HMX1: variants seen among roughly 807,000 people sequenced by gnomAD.
HMX1 encodes H6 family homeobox 1.
Under a neutral mutation model 8.9 loss-of-function variants are expected in HMX1, and 8 were observed. That is an observed-to-expected ratio of 0.90 (90% confidence interval 0.53 to 1.63). HMX1 has a LOEUF of 1.63. HMX1 is among the 40% of genes most tolerant of loss of function. The pLI is 0.00. For synonymous variants in HMX1, 311 were observed against 283.4 expected (o/e 1.10, Z -0.98); for missense variants, 621 against 558.5 (o/e 1.11, Z -1.13).
intron 1 of HMX1, among the ~76,000 whole-genome samples, chr4:8,861,358 CTTCCCGCGGCCTGTGCCGAG>C (rs1312650389): frequency 3.3e-5 from 5 of 152,314 alleles, no homozygotes; most frequent in African/African-American, 1.2e-4. Context: ...GGAGGCCGCG[CTTCCCGCGGCCTGTGCCGAG>C]GAGCCTCTCC....
In HMX1 at chr4:8,867,521, C is replaced by T. The variant is rs1722042251; in HGVS notation, c.*172G>A. 2.5e-6 allele frequency: 3 copies of T among 1,186,090 alleles called. No homozygotes were observed. Among genetic ancestry groups the T allele is most frequent in the Non-Finnish European group, 3.1e-6 (3 of 958,966 alleles). 73.5% of individuals were successfully genotyped at this position (1,186,090 alleles called of 1,614,324 possible). A position where few individuals can be genotyped will look rare whatever the true frequency, so the allele number is the denominator to read the frequency against. Reference sequence around the variant, plus strand: ...GGCGTCCCATTACATTCTAGAGGCGCTCCCCACAGAAGCTGAGGCCCGCCC... The same window carrying T: ...GGCGTCCCATTACATTCTAGAGGCGTTCCCCACAGAAGCTGAGGCCCGCCC... On this transcript the variant is annotated 3_prime_UTR_variant, in exon 2 of 2. Transcript: ENST00000400677.
chr4:8,866,797 C>G (rs573763840), downstream of HMX1, among the ~76,000 whole-genome samples: 2 of 152,246 alleles, frequency 1.3e-5, no homozygotes, highest in Non-Finnish European at 2.9e-5. Flanking sequence ...AGTCAAGGCT[C>G]TAGAACTTGG....
chr4:8,870,031 C>T lies in HMX1; in HGVS notation c.394+1190G>A, dbSNP rs917787475. Reference sequence around the variant, plus strand: ...GCCTAGACTTCCTGAGTGTGGGTGCCGAGATGTGGGGGCTTTTGCAAAGGA... The same window carrying T: ...GCCTAGACTTCCTGAGTGTGGGTGCTGAGATGTGGGGGCTTTTGCAAAGGA... On this transcript the variant is annotated intron_variant, in intron 1 of 1. Coordinates refer to ENST00000400677, the MANE Select transcript of HMX1 (RefSeq NM_018942.3). The surrounding 1 kb of genome is among the most constrained non-coding windows in gnomAD (Gnocchi z 4.4). 2.0e-5 allele frequency among the ~76,000 whole-genome samples: 3 copies of T among 151,882 alleles called. No homozygotes were observed. Among genetic ancestry groups the T allele is most frequent in the Non-Finnish European group, 4.4e-5 (3 of 67,940 alleles).
chr4:8,870,613 G>C lies in HMX1; in HGVS notation c.394+608C>G, dbSNP rs1560186801. Among the ~76,000 whole-genome samples, 1 of 152,208 alleles carries C rather than the reference G, an allele frequency of 6.6e-6. No individual in the cohort carries two copies. The highest frequency in any genetic ancestry group is 1.5e-5 in the Non-Finnish European group (1 of 67,992). On this transcript the variant is annotated intron_variant, in intron 1 of 1. Coordinates refer to ENST00000400677, the MANE Select transcript of HMX1 (RefSeq NM_018942.3). This position sits in a 1 kb window ranked among gnomAD's most constrained non-coding sequence, Gnocchi z 4.4. ...CGGGCACAGAGGAAACAGGACTCTG[G>C]GGGGGCACAGCTGCCATGTTAGATG...
chr4:8,861,020 G>A (rs1232803855), intron 1 of HMX1, among the ~76,000 whole-genome samples: 2 of 151,796 alleles, frequency 1.3e-5, no homozygotes, highest in Admixed American at 6.6e-5. Context: ...GGGGCGCCCG[G>A]GAGGGCCGCG....
At chr4:8,861,399 A>G (rs777447586) in intron 1 of HMX1, among the ~76,000 whole-genome samples, 7 of 152,138 alleles carry the variant, frequency 4.6e-5, no homozygotes, top group Non-Finnish European at 8.8e-5. Flanking sequence ...GCAAAGAAAT[A>G]AACACGCCCT....
At position 8,849,668 on chromosome 4, in the gene HMX1, C is replaced by T. The variant is rs959797775; in HGVS notation, c.395-3344G>A. On this transcript the variant is annotated intron_variant, in intron 1 of 1. Transcript: ENST00000506970. The surrounding 1 kb of genome is among the most constrained non-coding windows in gnomAD (Gnocchi z 6.6). ...TCTCCTGGGGTCCCCCCGGCCCCAG[C>T]GTGCGGTCTTCAACTGTCATCAGGC... 2.6e-5 allele frequency among the ~76,000 whole-genome samples: 4 copies of T among 152,214 alleles called. No homozygotes were observed. Among genetic ancestry groups the T allele is most frequent in the Non-Finnish European group, 5.9e-5 (4 of 68,034 alleles).
downstream of HMX1, among the ~76,000 whole-genome samples, chr4:8,862,851 CG>C (rs1487746062): frequency 1.3e-5 from 2 of 152,216 alleles, no homozygotes; most frequent in Non-Finnish European, 2.9e-5. Flanking sequence ...TAGCTGTTCT[CG>C]GCGCCCGATC....
intron 1 of HMX1, among the ~76,000 whole-genome samples, chr4:8,869,582 G>A (rs1722141633): frequency 6.6e-6 from 1 of 152,228 alleles, no homozygotes; most frequent in South Asian, 2.1e-4. Flanking sequence ...TGTGCCTCAT[G>A]CCCAAGGAGT....
Position 8,849,218 on chromosome 4 carries a change from A to G in HMX1, c.395-2894T>C, listed in dbSNP as rs1261647251. On this transcript the variant is annotated intron_variant, in intron 1 of 1. Coordinates refer to the HMX1 transcript ENST00000506970. The surrounding 1 kb of genome is among the most constrained non-coding windows in gnomAD (Gnocchi z 6.6). ...CTGAACTGTGTCCTCCCAAATGTGT[A>G]TGGGGAGGTCCTGACCGGCAGCACC... Among the ~76,000 whole-genome samples, 1 of 152,042 alleles carries G rather than the reference A, an allele frequency of 6.6e-6. No individual in the cohort carries two copies. Among genetic ancestry groups the G allele is most frequent in the African/African-American group, 2.4e-5 (1 of 41,404 alleles).
intron 1 of HMX1, among the ~76,000 whole-genome samples, chr4:8,857,503 C>T (rs1721647154): frequency 1.3e-5 from 2 of 152,178 alleles, no homozygotes; most frequent in Admixed American, 6.5e-5. Flanking sequence ...CCCGGTGGGG[C>T]GCGGGTTCCG....
intron 1 of HMX1, among the ~76,000 whole-genome samples, chr4:8,850,387 C>A (rs546683175): frequency 6.6e-6 from 1 of 152,264 alleles, no homozygotes; most frequent in East Asian, 1.9e-4. Flanking sequence ...CCCACCGCCC[C>A]GGTCTCCACT....
downstream of HMX1, among the ~76,000 whole-genome samples, chr4:8,863,933 C>A (rs968811954): frequency 9.9e-5 from 15 of 152,256 alleles, no homozygotes; most frequent in African/African-American, 2.4e-4. Flanking sequence ...CCAAACACCA[C>A]CGTAGTGGCC....
At chr4:8,860,072 A>C (rs1214076594) in intron 1 of HMX1, among the ~76,000 whole-genome samples, 1 of 152,238 alleles carries the variant, frequency 6.6e-6, no homozygotes, top group Non-Finnish European at 1.5e-5. Flanking sequence ...GTCAGGGGCG[A>C]AGCCGAGTTC....
chr4:8,868,645 G>T lies in HMX1; in HGVS notation c.395-300C>A, dbSNP rs916838568. On this transcript the variant is annotated intron_variant, in intron 1 of 1. Transcript: ENST00000400677. This position sits in a 1 kb window ranked among gnomAD's most constrained non-coding sequence, Gnocchi z 4.6. ...ACAAAGGGATGCAGAGCAAAGAAAA[G>T]AAACAAAAATACTACACAAGAAAAG... 6.6e-6 allele frequency among the ~76,000 whole-genome samples: 1 copy of T among 152,028 alleles called. No homozygotes were observed. Among genetic ancestry groups the T allele is most frequent in the African/African-American group, 2.4e-5 (1 of 41,378 alleles).
At position 8,871,474 on chromosome 4, in the gene HMX1, C is replaced by G. The variant is rs767029357; in HGVS notation, c.141G>C (p.Glu47Asp). The stretch of plus-strand genomic sequence containing the variant: ...CCTCGTCTTCGGGGTCGTCGTCGTC[C>G]TCCTCCTCGTCCTCCCGGCTGCCGT... ...QGDGSREDEE[E>D]DDDDPEDEDA... The change falls in exon 1 of 2, where the codon GAG (glutamate) becomes GAC (aspartate). Residue 47 changes from glutamate to aspartate, a missense_variant. Glu to Asp is a conservative substitution (Grantham distance 45, BLOSUM62 2). Coordinates refer to ENST00000400677, the MANE Select transcript of HMX1 (RefSeq NM_018942.3). This position sits in a 1 kb window ranked among gnomAD's most constrained non-coding sequence, Gnocchi z 4.8. The G allele has an allele frequency of 4.6e-5, 62 of 1,343,010 alleles. No individual in the cohort carries two copies. Among genetic ancestry groups the G allele is most frequent in the Middle Eastern group, 2.8e-4 (1 of 3,578 alleles). 83.2% of individuals were successfully genotyped at this position (1,343,010 alleles called of 1,614,324 possible).
chr4:8,854,244 G>A (rs575669089), intron 1 of HMX1, among the ~76,000 whole-genome samples: 1 of 152,346 alleles, frequency 6.6e-6, no homozygotes, highest in East Asian at 1.9e-4. Context: ...ACCCCTGGAG[G>A]GTAACAGCTG....
intron 1 of HMX1, chr4:8,858,709 C>G (rs1018882524): frequency 6.6e-6 from 1 of 152,258 alleles, no homozygotes; most frequent in African/African-American, 2.4e-5. Flanking sequence ...GCCCCGGGCC[C>G]GCTAGGGACG....
chr4:8,865,214 T>C (rs970113321), downstream of HMX1, among the ~76,000 whole-genome samples: 5 of 152,190 alleles, frequency 3.3e-5, no homozygotes, highest in African/African-American at 1.2e-4. Flanking sequence ...CACCCTGCAG[T>C]CACCACACAA....
Sources: gnomAD v4.1 joint callset for allele counts (sites outside exome capture counted in the v4.1 genomes callset) on GRCh38, gnomAD v4.1.1 for gene constraint, Gnocchi (gnomAD v3.1) non-coding constraint, MANE v1.5 for transcripts, NCBI Gene and HGNC (gene_info 2026-07-23, HGNC 2026-07-21) for gene names.